ATMIN: variants seen among roughly 807,000 people sequenced by gnomAD.
ATMIN encodes ATM INteracting protein.
Under a neutral mutation model 49.2 loss-of-function variants are expected in ATMIN, and 24 were observed. That is an observed-to-expected ratio of 0.49 (90% CI 0.35 to 0.69). ATMIN has a LOEUF of 0.69. Ranked by LOEUF, ATMIN falls within the 30% of genes least tolerant of loss-of-function variation. ATMIN has a pLI of 0.00. For synonymous variants in ATMIN, 450 were observed against 392.5 expected (o/e 1.15, Z -1.73); for missense variants, 1,037 against 1,005.5 (o/e 1.03, Z -0.42).
intron 1 of ATMIN, chr16:81,037,581 G>C: frequency 1.2e-6 from 1 of 803,354 alleles, no homozygotes; most frequent in Non-Finnish European, 1.5e-6. Flanking sequence ...TCAACCTGTT[G>C]TTTTGTTTTC....
intron 3 of ATMIN, among the ~76,000 whole-genome samples, chr16:81,042,918 G>T (rs567649846): frequency 6.6e-6 from 1 of 152,152 alleles, no homozygotes; most frequent in Non-Finnish European, 1.5e-5. Context: ...TCTGAGTTGA[G>T]TTCTAGTACT....
rs1297403631 is a variant in ATMIN at position 81,043,771 on chromosome 16, A to G, written c.1273A>G (p.Ile425Val). 4 of 1,614,238 alleles carry G rather than the reference A, an allele frequency of 2.5e-6. No individual in the cohort carries two copies. Among genetic ancestry groups the G allele is most frequent in the Non-Finnish European group, 3.4e-6 (4 of 1,180,044 alleles). ...TDLSYASQNF[I>V]PSAQWATADS... Reference sequence around the variant, plus strand: ...TCTGTCTTATGCCTCACAAAACTTTATACCTTCTGCACAGTGGGCCACTGC... The same window carrying G: ...TCTGTCTTATGCCTCACAAAACTTTGTACCTTCTGCACAGTGGGCCACTGC... Residue 425 changes from isoleucine to valine, a missense_variant, in exon 4 of 4, where the codon ATA (isoleucine) becomes GTA (valine). Ile to Val is a conservative substitution (Grantham distance 29). Coordinates refer to ENST00000299575, the MANE Select transcript of ATMIN (RefSeq NM_015251.3).
In ATMIN at chr16:81,043,200, A is replaced by G. The variant is rs1213261795; in HGVS notation, c.702A>G (p.Ala234=). The change falls in exon 4 of 4, where the codon GCA becomes GCG. Residue 234 remains alanine (A), a synonymous_variant. Coordinates refer to ENST00000299575, the MANE Select transcript of ATMIN (RefSeq NM_015251.3). ...AGAAAAGGAAAATGGAAAACTGTGC[A>G]CAAAACCAGAAGTTATCCAACAAGA... The part of the protein sequence containing the change: ...PSKKRKMENC[A]QNQKLSNKTI... 5 of 1,611,146 alleles carry G rather than the reference A, an allele frequency of 3.1e-6. No homozygotes were observed. Among genetic ancestry groups the G allele is most frequent in the Non-Finnish European group, 4.2e-6 (5 of 1,179,356 alleles).
chr16:81,044,586 C>T lies in ATMIN; in HGVS notation c.2088C>T (p.Gly696=). The change falls in exon 4 of 4, where the codon GGC becomes GGT. Residue 696 remains glycine, a synonymous_variant. Coordinates refer to ENST00000299575, the MANE Select transcript of ATMIN (RefSeq NM_015251.3). ...GTAGGGGAAATTCTAACTTCTTAGG[C>T]CTTGAGATGTTTGACACACAGACAC... ...YGCRGNSNFL[G]LEMFDTQTQT... 6.2e-7 allele frequency: 1 copy of T among 1,614,046 alleles called. No homozygotes were observed. The highest frequency in any genetic ancestry group is 8.5e-7 in the Non-Finnish European group (1 of 1,180,026).
chr16:81,045,112 G>A lies in ATMIN; in HGVS notation c.*142G>A. The A allele has an allele frequency of 8.7e-7, 1 of 1,144,450 alleles. No individual in the cohort carries two copies. Among genetic ancestry groups the A allele is most frequent in the Non-Finnish European group, 1.2e-6 (1 of 829,072 alleles). 70.9% of individuals were successfully genotyped at this position (1,144,450 alleles called of 1,614,324 possible). A position where few individuals can be genotyped will look rare whatever the true frequency, so the allele number is the denominator to read the frequency against. ...GCTTCTTTGTGTTTCTTTGCCTTTT[G>A]TACTTGTAAACAGAAATTTGCGTAT... On this transcript the variant is annotated 3_prime_UTR_variant, in exon 4 of 4. Coordinates refer to ENST00000299575, the MANE Select transcript of ATMIN (RefSeq NM_015251.3).
chr16:81,046,260 C>T lies in ATMIN; in HGVS notation c.*1290C>T, dbSNP rs942833339. 3 of 152,164 alleles carry T rather than the reference C, an allele frequency of 2.0e-5. No homozygotes were observed. Among genetic ancestry groups the T allele is most frequent in the African/African-American group, 7.2e-5 (3 of 41,434 alleles). 9.4% of individuals were successfully genotyped at this position (152,164 alleles called of 1,614,324 possible). On this transcript the variant is annotated 3_prime_UTR_variant, in exon 4 of 4. Transcript: ENST00000299575. ...GGGCATCCCCCATTAGGTTTCAATA[C>T]TTTGCACTTCTACTAAGCTTGATAG... is the stretch of plus-strand genomic sequence containing the variant.
rs143600260 is a variant in ATMIN, at chr16:81,043,444, G to A, written c.946G>A (p.Val316Ile). The part of the protein sequence containing the change: ...LPVMQFSVMP[V>I]FVPTADSSAQ... ...CGTGATGCAGTTTTCTGTCATGCCT[G>A]TCTTTGTGCCTACAGCCGACTCCTC... The change falls in exon 4 of 4, where the codon GTC becomes ATC. Residue 316 changes from valine (V) to isoleucine (I), a missense_variant. Physicochemically the swap from Val to Ile is conservative, Grantham distance 29. Transcript: ENST00000299575. The A allele has an allele frequency of 1.2e-5, 20 of 1,613,958 alleles. No homozygotes were observed. The African/African-American group carries it at 2.5e-4, about 20-fold the overall frequency.
Position 81,044,826 on chromosome 16 carries a change from G to A in ATMIN, c.2328G>A (p.Gly776=), listed in dbSNP as rs763137745. The change falls in exon 4 of 4, where the codon GGG becomes GGA. Residue 776 remains glycine (G), a synonymous_variant. Coordinates refer to ENST00000299575, the MANE Select transcript of ATMIN (RefSeq NM_015251.3). ...TGAGTTCTGGGTTTGAAACCCTGGG[G>A]AGCTTGTTCTTCACCAGCAACGAAA... The part of the protein sequence containing the change: ...QTMSSGFETL[G]SLFFTSNETQ... 1.2e-6 allele frequency: 2 copies of A among 1,614,198 alleles called. No individual in the cohort carries two copies. The highest frequency in any genetic ancestry group is 3.3e-5 in the Admixed American group (2 of 60,024).
intron 1 of ATMIN, chr16:81,040,834 G>A (rs911488984): frequency 6.4e-6 from 1 of 155,760 alleles, no homozygotes; most frequent in Non-Finnish European, 1.4e-5. Context: ...TGAAGGTCTA[G>A]AAATTAGATT....
chr16:81,036,619 G>C (rs1262203190), intron 1 of ATMIN, among the ~76,000 whole-genome samples: 4 of 152,184 alleles, frequency 2.6e-5, no homozygotes, highest in Non-Finnish European at 5.9e-5. Context: ...CTTTAAACCG[G>C]GGCCTCTGGT....
At chr16:81,036,640 T>A (rs1295683860) in intron 1 of ATMIN, among the ~76,000 whole-genome samples, 2 of 152,216 alleles carry the variant, frequency 1.3e-5, no homozygotes, top group Non-Finnish European at 2.9e-5. Flanking sequence ...TCTAAAGCCC[T>A]GTGCTTGCCA....
At position 81,045,068 on chromosome 16, in the gene ATMIN, CTGA is replaced by C. The variant is rs1306629517; in HGVS notation, c.*104_*106del. On this transcript the variant is annotated 3_prime_UTR_variant, in exon 4 of 4. Transcript: ENST00000299575. ...ACAGTATTAATTCGATTGAATGTGG[CTGA>C]TGATGCAGTTGCTTAGCTTCTTTGT... is the stretch of plus-strand genomic sequence containing the variant. 1.4e-6 allele frequency: 2 copies of C among 1,449,200 alleles called. No individual in the cohort carries two copies. Among genetic ancestry groups the C allele is most frequent in the African/African-American group, 1.4e-5 (1 of 70,370 alleles). The allele number at this position is 1,449,200 out of a possible 1,614,324, so 89.8% of individuals were successfully genotyped here.
rs1971125810 is a variant in ATMIN at position 81,046,642 on chromosome 16, C to G, written c.*1672C>G. The G allele has an allele frequency of 7.1e-6, 1 of 141,560 alleles. No homozygotes were observed. The highest frequency in any genetic ancestry group is 2.6e-5 in the African/African-American group (1 of 38,358). 8.8% of individuals were successfully genotyped at this position (141,560 alleles called of 1,614,324 possible). A position where few individuals can be genotyped will look rare whatever the true frequency, so the allele number is the denominator to read the frequency against. ...TCCAGTCAAGTAGGAATCAGTGCAG[C>G]CTGTAAGTTCTCCACATTGACACAC... On this transcript the variant is annotated 3_prime_UTR_variant, in exon 4 of 4. Coordinates refer to ENST00000299575, the MANE Select transcript of ATMIN (RefSeq NM_015251.3).
rs752272504 is a variant in ATMIN, at chr16:81,044,892, C to A, written c.2394C>A (p.Ala798=). 1.2e-6 allele frequency: 2 copies of A among 1,614,016 alleles called. No individual in the cohort carries two copies. The highest frequency in any genetic ancestry group is 1.7e-5 in the Admixed American group (1 of 59,992). ...AMDDFLLADL[A]WNTMESQFSS... is the part of the protein sequence containing the mutation. Reference sequence around the variant, plus strand: ...ATGACTTTCTTCTGGCTGATCTGGCCTGGAACACGATGGAGTCTCAGTTCA... The same window carrying A: ...ATGACTTTCTTCTGGCTGATCTGGCATGGAACACGATGGAGTCTCAGTTCA... The change falls in exon 4 of 4, where the codon GCC becomes GCA. Residue 798 remains alanine (A), a synonymous_variant. Coordinates refer to ENST00000299575, the MANE Select transcript of ATMIN (RefSeq NM_015251.3).
intron 1 of ATMIN, among the ~76,000 whole-genome samples, chr16:81,038,685 C>T (rs1291951740): frequency 6.6e-6 from 1 of 152,184 alleles, no homozygotes. Flanking sequence ...GGGTCTTGCT[C>T]TGTTAACCCA....
chr16:81,043,066 G>T, intron 3 of ATMIN, 95 bp from the exon 4 acceptor site: 1 of 1,433,116 alleles, frequency 7.0e-7, no homozygotes, highest in South Asian at 1.4e-5. Flanking sequence ...CTCTGCTATA[G>T]ATGGGGGAAA....
At chr16:81,042,256 T>G in intron 2 of ATMIN, 25 bp from the exon 3 acceptor site, 1 of 1,610,126 alleles carries the variant, frequency 6.2e-7, no homozygotes, top group South Asian at 1.1e-5. Flanking sequence ...GTTTTTCACC[T>G]TAGTCCCTTC....
chr16:81,037,003 C>G (rs1381316380), intron 1 of ATMIN, among the ~76,000 whole-genome samples: 1 of 152,134 alleles, frequency 6.6e-6, no homozygotes, highest in Non-Finnish European at 1.5e-5. Context: ...GAGGGGGACA[C>G]AGTAAATACA....
In ATMIN at chr16:81,041,353, C is replaced by T. The variant is rs771976927; in HGVS notation, c.337-3C>T. On this transcript the variant is annotated splice_polypyrimidine_tract_variant and splice_region_variant and intron_variant, in intron 1 of 3. Transcript: ENST00000299575. ...ATAATTTAAAGTAATTTTCCTTTTG[C>T]AGGATGGCATAGTCAATCCAACAAT... The T allele has an allele frequency of 6.3e-6, 10 of 1,595,724 alleles. No individual in the cohort carries two copies. The South Asian group carries it at 1.0e-4, about 16-fold the overall frequency.
Sources: allele counts gnomAD v4.1 joint callset (sites outside exome capture counted in the v4.1 genomes callset), GRCh38; gene constraint gnomAD v4.1.1; transcripts MANE v1.5; gene names NCBI Gene and HGNC (gene_info 2026-07-23, HGNC 2026-07-21).